ZNF385D: variants seen among roughly 807,000 people sequenced by gnomAD.
ZNF385D encodes zinc finger protein 385D.
ZNF385D carries 15 observed loss-of-function variants against 35.8 expected under a neutral mutation model. The observed-to-expected ratio is 0.42, with a 90% confidence interval of 0.28 to 0.64. The LOEUF (loss-of-function observed/expected upper bound fraction) is 0.64. ZNF385D is among the 30% of genes least tolerant of loss of function. The probability of loss-of-function intolerance (pLI) is 0.23; values close to 1 mark genes in which losing one functional copy is unlikely to be tolerated. For synonymous variants in ZNF385D, 212 were observed against 186.8 expected, an observed-to-expected ratio of 1.13 and a Z score of -1.10; for missense variants, 474 against 494.6, an observed-to-expected ratio of 0.96 and a Z score of 0.39.
At chr3:22,293,441 T>G (rs547361409) in intron 2 of ZNF385D, among the ~76,000 whole-genome samples, 1 of 152,090 alleles carries the variant, frequency 6.6e-6, no homozygotes, top group African/African-American at 2.4e-5. Context: ...CTACTAAACC[T>G]GGTACTCTTC....
chr3:21,616,552 A>C (rs1180725367), intron 2 of ZNF385D, among the ~76,000 whole-genome samples: 1 of 152,194 alleles, frequency 6.6e-6, no homozygotes, highest in Non-Finnish European at 1.5e-5. Context: ...TGACCTCTAC[A>C]AAACAAGGCA....
chr3:22,184,541 C>T (rs959019745), intron 2 of ZNF385D, among the ~76,000 whole-genome samples: 5 of 151,912 alleles, frequency 3.3e-5, no homozygotes, highest in African/African-American at 7.2e-5. Flanking sequence ...GATAGACAAA[C>T]GGGGCCAGGT....
At chr3:22,016,473 T>C (rs1391301525) in intron 3 of ZNF385D, among the ~76,000 whole-genome samples, 2 of 152,236 alleles carry the variant, frequency 1.3e-5, no homozygotes, top group East Asian at 3.9e-4. Flanking sequence ...TTCCTTGCTG[T>C]CACTTCACTG....
intron 2 of ZNF385D, among the ~76,000 whole-genome samples, chr3:21,626,289 T>G (rs547494932): frequency 2.0e-5 from 3 of 152,042 alleles, no homozygotes; most frequent in African/African-American, 7.2e-5. Context: ...GAAAAGGAAT[T>G]AACATGGATT....
rs1384119260 is a variant in ZNF385D at position 22,185,243 on chromosome 3, A to G, written c.107-16208T>C. Among the ~76,000 whole-genome samples, 10 of 152,180 alleles carry G rather than the reference A, an allele frequency of 6.6e-5. No individual in the cohort carries two copies. In the South Asian group the frequency reaches 2.1e-3, roughly 31 times the overall value. The stretch of plus-strand genomic sequence containing the variant: ...AATAACGGGACAGAAACGAAATACT[A>G]AGAGAACATTTGAGCCAAATTAAAT... On this transcript the variant is annotated intron_variant, in intron 2 of 5. Transcript: ENST00000494108.
At chr3:21,957,671 C>T (rs2061938) in intron 3 of ZNF385D, among the ~76,000 whole-genome samples, 103,863 of 151,940 alleles carry the variant, frequency 0.68, 36,657 homozygotes, top group Non-Finnish European at 0.77. Context: ...CAGTTCTCTG[C>T]CTCCCAGCAT....
chr3:22,006,493 A>G (rs1022757814), intron 3 of ZNF385D, among the ~76,000 whole-genome samples: 7 of 152,100 alleles, frequency 4.6e-5, no homozygotes, highest in Non-Finnish European at 8.8e-5. Context: ...AATGATTTGG[A>G]ATAATTATCT....
intron 3 of ZNF385D, among the ~76,000 whole-genome samples, chr3:21,889,315 A>G (rs1698717986): frequency 6.6e-6 from 1 of 152,204 alleles, no homozygotes; most frequent in Admixed American, 6.5e-5. Flanking sequence ...TAGAAGGGCA[A>G]GGAGACCTCA....
chr3:21,813,011 C>A (rs1481033377), intron 3 of ZNF385D, among the ~76,000 whole-genome samples: 3 of 152,284 alleles, frequency 2.0e-5, no homozygotes, highest in Admixed American at 6.5e-5. Flanking sequence ...GAGGAAGCAT[C>A]AGGCAGCAAC....
At chr3:21,842,627 A>G (rs185700816) in intron 3 of ZNF385D, among the ~76,000 whole-genome samples, 25 of 152,132 alleles carry the variant, frequency 1.6e-4, no homozygotes, top group Admixed American at 1.6e-3. Flanking sequence ...GTGAATTTAT[A>G]TCCAAATTTC....
chr3:22,159,876 G>C (rs1705835690), intron 3 of ZNF385D, among the ~76,000 whole-genome samples: 1 of 152,048 alleles, frequency 6.6e-6, no homozygotes, highest in Admixed American at 6.6e-5. Context: ...AGAAAAGTAT[G>C]AGGAAAGCGC....
chr3:21,975,978 T>C (rs1264965638), intron 3 of ZNF385D, among the ~76,000 whole-genome samples: 2 of 152,052 alleles, frequency 1.3e-5, no homozygotes, highest in Non-Finnish European at 2.9e-5. Flanking sequence ...ATTTCCACAG[T>C]TCTAGGGAGA....
At chr3:21,690,963 G>A (rs1468330521) in intron 1 of ZNF385D, among the ~76,000 whole-genome samples, 1 of 152,050 alleles carries the variant, frequency 6.6e-6, no homozygotes, top group Non-Finnish European at 1.5e-5. Context: ...TTCTACCCTC[G>A]GATAGAAATC....
intron 3 of ZNF385D, among the ~76,000 whole-genome samples, chr3:21,532,327 T>A (rs2061943940): frequency 6.6e-6 from 1 of 152,184 alleles, no homozygotes; most frequent in African/African-American, 2.4e-5. Flanking sequence ...CCTTATTATT[T>A]ATGCAACAAA....
At chr3:21,488,471 C>T (rs1427810814) in intron 4 of ZNF385D, among the ~76,000 whole-genome samples, 1 of 151,918 alleles carries the variant, frequency 6.6e-6, no homozygotes, top group Admixed American at 6.6e-5. Context: ...GTTGAGGTGC[C>T]CAAAAGCATG....
chr3:21,930,809 T>A (rs186839167), intron 3 of ZNF385D, among the ~76,000 whole-genome samples: 1 of 152,034 alleles, frequency 6.6e-6, no homozygotes, highest in Non-Finnish European at 1.5e-5. Context: ...ACCATACATA[T>A]AAAATAACTA....
intron 3 of ZNF385D, among the ~76,000 whole-genome samples, chr3:21,869,956 T>A (rs1697595158): frequency 6.6e-6 from 1 of 152,170 alleles, no homozygotes; most frequent in African/African-American, 2.4e-5. Context: ...GAAGGTTTTT[T>A]AAGTAGATAA....
At chr3:22,101,176 T>C (rs570036742) in intron 3 of ZNF385D, among the ~76,000 whole-genome samples, 4 of 152,182 alleles carry the variant, frequency 2.6e-5, no homozygotes, top group Non-Finnish European at 4.4e-5. Flanking sequence ...TCTTTTCTAG[T>C]AGTATTCAAG....
intron 4 of ZNF385D, among the ~76,000 whole-genome samples, chr3:21,485,093 G>T (rs757463248): frequency 6.6e-6 from 1 of 152,124 alleles, no homozygotes; most frequent in Non-Finnish European, 1.5e-5. Flanking sequence ...TAATGCAGGA[G>T]AAATAAGGTG....
Sources: gnomAD v4.1 joint callset for allele counts (sites outside exome capture counted in the v4.1 genomes callset) on GRCh38, gnomAD v4.1.1 for gene constraint, MANE v1.5 for transcripts, NCBI Gene and HGNC (gene_info 2026-07-23, HGNC 2026-07-21) for gene names.